The following RXRA variants were observed in gnomAD, a reference collection of about 807,000 sequenced individuals.
The protein encoded by RXRA is retinoid X receptor alpha.
In RXRA, 5 loss-of-function variants were observed where a neutral mutation model predicts 44.5. That is an observed-to-expected ratio of 0.11 (90% CI 0.06 to 0.24). The LOEUF (loss-of-function observed/expected upper bound fraction) is 0.24, where lower values mean the gene tolerates loss of function less well. RXRA is among the 10% of genes least tolerant of loss of function. RXRA has a pLI of 1.00. For missense variants in RXRA, 412 were observed against 646.5 expected, an observed-to-expected ratio of 0.64 and a Z score of 3.93; for synonymous variants, 291 against 271.4, an observed-to-expected ratio of 1.07 and a Z score of -0.71.
intron 1 of RXRA, among the ~76,000 whole-genome samples, chr9:134,373,706 G>C (rs895317698): frequency 2.0e-5 from 3 of 152,238 alleles, no homozygotes; most frequent in African/African-American, 7.2e-5. Context: ...ACCTCCCACA[G>C]GAAGCCCCCC....
At chr9:134,370,771 G>T (rs924481819) in intron 1 of RXRA, among the ~76,000 whole-genome samples, 1 of 152,230 alleles carries the variant, frequency 6.6e-6, no homozygotes, top group Non-Finnish European at 1.5e-5. Context: ...GGTGGGCCTT[G>T]TGCACAGCCC....
At chr9:134,354,095 G>T (rs1352960389) in intron 1 of RXRA, among the ~76,000 whole-genome samples, 1 of 152,202 alleles carries the variant, frequency 6.6e-6, no homozygotes, top group Non-Finnish European at 1.5e-5. Flanking sequence ...GGAAAGCCTA[G>T]AGGTGCATTC....
chr9:134,352,178 C>T (rs1201829265), intron 1 of RXRA, among the ~76,000 whole-genome samples: 1 of 152,014 alleles, frequency 6.6e-6, no homozygotes, highest in African/African-American at 2.4e-5. Flanking sequence ...CCCAGGAGCC[C>T]CTGTGGGTTT....
intron 1 of RXRA, among the ~76,000 whole-genome samples, chr9:134,350,076 A>G (rs1407415241): frequency 2.1e-5 from 3 of 143,208 alleles, no homozygotes; most frequent in South Asian, 4.5e-4. Flanking sequence ...GTGTGTGTGT[A>G]GGGGGGGGTG....
chr9:134,402,100 G>A (rs969544821), intron 2 of RXRA: 33 of 557,742 alleles, frequency 5.9e-5, no homozygotes, highest in Non-Finnish European at 1.0e-4. Context: ...ATCATCAGCC[G>A]AGGTGACTTG....
intron 1 of RXRA, among the ~76,000 whole-genome samples, chr9:134,340,396 C>T (rs1438286842): frequency 2.6e-5 from 4 of 152,192 alleles, no homozygotes; most frequent in African/African-American, 7.2e-5. Flanking sequence ...ACTGACCTTT[C>T]AGCCAGTTCC....
chr9:134,418,248 G>C (rs752343798), intron 5 of RXRA, among the ~76,000 whole-genome samples: 21 of 152,178 alleles, frequency 1.4e-4, no homozygotes, highest in Admixed American at 2.0e-4. Flanking sequence ...GGGTTGGGCA[G>C]GTGAGCTCCT....
rs113996212 is a variant in RXRA, at chr9:134,341,005, A to T, written c.28+14346A>T. On this transcript the variant is annotated intron_variant, in intron 1 of 9. Transcript: ENST00000481739. ...CATGGCTGGCAAGCGGGGCGAGCTG[A>T]CAGCCAGGCTGTCTCCTGACCCTGG... Among the ~76,000 whole-genome samples the T allele has an allele frequency of 4.7e-3, 723 of 152,306 alleles. 6 individuals are homozygous for T. Among genetic ancestry groups the T allele is most frequent in the African/African-American group, 0.016 (677 of 41,550 alleles).
At chr9:134,339,104 AC>A (rs1297264936) in intron 1 of RXRA, among the ~76,000 whole-genome samples, 1 of 133,384 alleles carries the variant, frequency 7.5e-6, no homozygotes, top group African/African-American at 2.9e-5. Context: ...GCTGGTGGTC[AC>A]CCCCCCTGGG....
In RXRA at chr9:134,349,316, G is replaced by A. The variant is rs1554749173; in HGVS notation, c.28+22657G>A. On this transcript the variant is annotated intron_variant, in intron 1 of 9. Coordinates refer to ENST00000481739, the MANE Select transcript of RXRA (RefSeq NM_002957.6). The surrounding 1 kb of genome is among the most constrained non-coding windows in gnomAD (Gnocchi z 4.3). ...GCACCTGGACAGCCGGGTGTCATTG[G>A]TGGGCCTGTTGGGCCGGGGCGCCTC... 6.6e-6 allele frequency among the ~76,000 whole-genome samples: 1 copy of A among 152,218 alleles called. No homozygotes were observed. Among genetic ancestry groups the A allele is most frequent in the East Asian group, 1.9e-4 (1 of 5,188 alleles).
At chr9:134,414,366 G>A (rs540209473) in intron 4 of RXRA, among the ~76,000 whole-genome samples, 11 of 152,366 alleles carry the variant, frequency 7.2e-5, no homozygotes, top group African/African-American at 2.4e-4. Flanking sequence ...GCACCGGGCC[G>A]GGCTGGCGCG....
At chr9:134,332,154 C>A (rs1835015763) in intron 1 of RXRA, among the ~76,000 whole-genome samples, 1 of 152,176 alleles carries the variant, frequency 6.6e-6, no homozygotes, top group Admixed American at 6.5e-5. Flanking sequence ...GTCCCCACTC[C>A]CAGGTGGAAA....
chr9:134,326,956 C>G (rs1437975169), intron 1 of RXRA, among the ~76,000 whole-genome samples: 65 of 150,946 alleles, frequency 4.3e-4, no homozygotes, highest in African/African-American at 1.6e-3. Context: ...CGCCTGCGCC[C>G]CGGCGCCCAG....
intron 9 of RXRA, among the ~76,000 whole-genome samples, chr9:134,435,904 C>T (rs765718693): frequency 6.6e-6 from 1 of 152,218 alleles, no homozygotes; most frequent in Non-Finnish European, 1.5e-5. Context: ...CTGGCTGTGT[C>T]GCCCAGGCTG....
chr9:134,359,343 G>A (rs1364767565), intron 1 of RXRA, among the ~76,000 whole-genome samples: 3 of 152,100 alleles, frequency 2.0e-5, no homozygotes, highest in Non-Finnish European at 2.9e-5. Flanking sequence ...TGGAGGCCCC[G>A]GAGATAATTA....
At chr9:134,420,735 G>A (rs951688917) in intron 5 of RXRA, among the ~76,000 whole-genome samples, 15 of 152,232 alleles carry the variant, frequency 9.9e-5, no homozygotes, top group African/African-American at 3.4e-4. Context: ...TGAGGGGGCC[G>A]TCATCTGAGT....
intron 1 of RXRA, among the ~76,000 whole-genome samples, chr9:134,394,841 C>A (rs780378547): frequency 6.6e-6 from 1 of 152,176 alleles, no homozygotes; most frequent in African/African-American, 2.4e-5. Flanking sequence ...GTGTGAGAGG[C>A]AATGTCAGGG....
intron 1 of RXRA, among the ~76,000 whole-genome samples, chr9:134,373,833 T>C (rs987214993): frequency 6.6e-6 from 1 of 152,272 alleles, no homozygotes; most frequent in Non-Finnish European, 1.5e-5. Flanking sequence ...TTTTCTAATT[T>C]ATTTTAATTA....
chr9:134,418,547 C>G (rs1358349958), intron 5 of RXRA, among the ~76,000 whole-genome samples: 1 of 152,208 alleles, frequency 6.6e-6, no homozygotes, highest in Non-Finnish European at 1.5e-5. Flanking sequence ...TCCCCACCCC[C>G]CAGGGCCTTC....
Sources: gnomAD v4.1 joint callset for allele counts (sites outside exome capture counted in the v4.1 genomes callset) on GRCh38, gnomAD v4.1.1 for gene constraint, Gnocchi (gnomAD v3.1) non-coding constraint, MANE v1.5 for transcripts, NCBI Gene and HGNC (gene_info 2026-07-23, HGNC 2026-07-21) for gene names.